The following CMIP variants were observed in gnomAD, a reference collection of about 807,000 sequenced individuals.
The protein encoded by CMIP is C-Maf-inducing protein.
Under a neutral mutation model 97.3 loss-of-function variants are expected in CMIP, and 13 were observed. The ratio of observed to expected loss-of-function variants is 0.13; its 90% CI spans 0.09 to 0.21. The LOEUF (loss-of-function observed/expected upper bound fraction) is 0.21, where lower values mean the gene tolerates loss of function less well. CMIP is among the 10% of genes least tolerant of loss of function. CMIP has a pLI of 1.00. For missense variants in CMIP, 847 were observed against 1,024.9 expected, an observed-to-expected ratio of 0.83 and a Z score of 2.37; for synonymous variants, 538 against 436.3, an observed-to-expected ratio of 1.23 and a Z score of -2.91.
intron 1 of CMIP, among the ~76,000 whole-genome samples, chr16:81,583,269 C>G (rs960423310): frequency 1.3e-5 from 2 of 152,200 alleles, no homozygotes; most frequent in African/African-American, 4.8e-5. Flanking sequence ...CATGTCTGTG[C>G]GAATGTCCCC....
intron 3 of CMIP, among the ~76,000 whole-genome samples, chr16:81,641,518 G>A (rs1469604366): frequency 6.6e-6 from 1 of 152,138 alleles, no homozygotes; most frequent in Non-Finnish European, 1.5e-5. Context: ...TACTCAGCTG[G>A]GAGCCTGACA....
At chr16:81,607,807 T>C in intron 2 of CMIP, 115 bp downstream of exon 2, 1 of 1,181,766 alleles carries the variant, frequency 8.5e-7, no homozygotes, top group South Asian at 1.5e-5. Flanking sequence ...TGTTTAACTT[T>C]GGGTGATTTT....
intron 1 of CMIP, among the ~76,000 whole-genome samples, chr16:81,490,085 G>C (rs1402907955): frequency 2.6e-5 from 4 of 152,202 alleles, no homozygotes; most frequent in South Asian, 2.1e-4. Context: ...GCCTGTGCCA[G>C]AGGCCTGTAG....
intron 1 of CMIP, among the ~76,000 whole-genome samples, chr16:81,541,167 C>T (rs941960701): frequency 3.3e-5 from 5 of 152,102 alleles, no homozygotes; most frequent in African/African-American, 7.2e-5. Context: ...CCTCCACCCC[C>T]GACCCTGTTC....
chr16:81,512,352 C>A lies in CMIP; in HGVS notation c.300+66811C>A, dbSNP rs956487947. The stretch of plus-strand genomic sequence containing the variant: ...CAGGTTCTGGTGCTGGCTGCCTGAT[C>A]TATCCATCACCACCCCCATCACCTT... On this transcript the variant is annotated intron_variant, in intron 1 of 20. Transcript: ENST00000537098. Among the ~76,000 whole-genome samples the A allele has an allele frequency of 1.4e-4, 22 of 152,300 alleles. No homozygotes were observed. The East Asian group carries it at 4.1e-3, about 28-fold the overall frequency.
At chr16:81,583,700 G>C (rs886976101) in intron 1 of CMIP, among the ~76,000 whole-genome samples, 1 of 152,092 alleles carries the variant, frequency 6.6e-6, no homozygotes, top group East Asian at 1.9e-4. Context: ...TCTGTCTGTC[G>C]TTGCAGAGGC....
chr16:81,520,728 G>C (rs2090008299), intron 1 of CMIP: 3 of 152,244 alleles, frequency 2.0e-5, no homozygotes, highest in African/African-American at 7.2e-5. Context: ...TGGAGAGTCA[G>C]ACAGTCTGCC....
At chr16:81,498,235 A>G (rs773141603) in intron 1 of CMIP, among the ~76,000 whole-genome samples, 3 of 152,198 alleles carry the variant, frequency 2.0e-5, no homozygotes, top group African/African-American at 7.2e-5. Context: ...CAATGAAATG[A>G]TGGATGTGGA....
At chr16:81,690,563 G>C (rs1296562931) in intron 10 of CMIP, among the ~76,000 whole-genome samples, 1 of 152,112 alleles carries the variant, frequency 6.6e-6, no homozygotes, top group Non-Finnish European at 1.5e-5. Flanking sequence ...GAGTGCAGTG[G>C]GGTGATCTCA....
At chr16:81,446,424 G>T (rs867041986) in intron 1 of CMIP, among the ~76,000 whole-genome samples, 9 of 152,198 alleles carry the variant, frequency 5.9e-5, no homozygotes, top group Middle Eastern at 6.8e-3. Flanking sequence ...AGCTGTGGTG[G>T]GGTCGAGGGG....
chr16:81,677,541 T>C (rs1904397879), intron 9 of CMIP, among the ~76,000 whole-genome samples: 1 of 152,192 alleles, frequency 6.6e-6, no homozygotes, highest in African/African-American at 2.4e-5. Flanking sequence ...GGAGGGGCTT[T>C]AACCAGGTCA....
At chr16:81,547,981 G>C (rs1392621288) in intron 1 of CMIP, among the ~76,000 whole-genome samples, 1 of 152,158 alleles carries the variant, frequency 6.6e-6, no homozygotes, top group Non-Finnish European at 1.5e-5. Flanking sequence ...CAGCACGCCG[G>C]CAATCATGTC....
At chr16:81,590,445 C>T (rs1036074080) in intron 1 of CMIP, among the ~76,000 whole-genome samples, 4 of 152,170 alleles carry the variant, frequency 2.6e-5, no homozygotes, top group African/African-American at 9.7e-5. Flanking sequence ...GTCCTGGCAG[C>T]TCACTTCTGG....
At chr16:81,662,908 A>G (rs753226848) in intron 6 of CMIP, among the ~76,000 whole-genome samples, 4 of 152,202 alleles carry the variant, frequency 2.6e-5, no homozygotes, top group Admixed American at 2.0e-4. Flanking sequence ...CCCTCGTACT[A>G]TCATACCCAA....
At chr16:81,683,659 A>G (rs1042339592) in intron 10 of CMIP, among the ~76,000 whole-genome samples, 1 of 150,002 alleles carries the variant, frequency 6.7e-6, no homozygotes, top group African/African-American at 2.5e-5. Flanking sequence ...CAAAGATTAC[A>G]GGCATGAGCC....
intron 1 of CMIP, among the ~76,000 whole-genome samples, chr16:81,583,232 C>T (rs1567593442): frequency 6.6e-6 from 1 of 152,222 alleles, no homozygotes; most frequent in Non-Finnish European, 1.5e-5. Context: ...CTATTGACGG[C>T]GACAGCATTG....
intron 7 of CMIP, among the ~76,000 whole-genome samples, chr16:81,667,461 C>T (rs1361233585): frequency 1.3e-5 from 2 of 152,162 alleles, no homozygotes; most frequent in Non-Finnish European, 2.9e-5. Flanking sequence ...TCCAGTTTTC[C>T]AAGGGGAGCG....
At chr16:81,619,981 T>G (rs892895579) in intron 2 of CMIP, 1 of 152,284 alleles carries the variant, frequency 6.6e-6, no homozygotes, top group African/African-American at 2.4e-5. Context: ...TGCCTTGGGC[T>G]GCATTTTATT....
At chr16:81,568,820 G>A (rs2091031558) in intron 1 of CMIP, among the ~76,000 whole-genome samples, 2 of 152,198 alleles carry the variant, frequency 1.3e-5, no homozygotes, top group Admixed American at 6.5e-5. Context: ...TCTGAAAGGC[G>A]AGTGGGTGAC....
Sources: allele counts gnomAD v4.1 joint callset (sites outside exome capture counted in the v4.1 genomes callset), GRCh38; gene constraint gnomAD v4.1.1; transcripts MANE v1.5; gene names NCBI Gene and HGNC (gene_info 2026-07-23, HGNC 2026-07-21).